The following ARHGEF12 variants were observed in gnomAD, a reference collection of about 807,000 sequenced individuals.
The protein encoded by ARHGEF12 is Rho guanine nucleotide exchange factor 12, also known as KMT2A/ARHGEF12 fusion protein.
In ARHGEF12, 66 loss-of-function variants were observed where a neutral mutation model predicts 211.2. The observed-to-expected ratio is 0.31, with a 90% CI of 0.26 to 0.38. The LOEUF (loss-of-function observed/expected upper bound fraction) is 0.38, where lower values mean the gene tolerates loss of function less well. ARHGEF12 is among the 10% of genes least tolerant of loss of function. The pLI, the probability that ARHGEF12 is intolerant of heterozygous loss-of-function variation, is 1.00. For missense variants in ARHGEF12, 1,429 were observed against 1,869.5 expected (o/e 0.76, Z 4.34); for synonymous variants, 592 against 638.4 (o/e 0.93, Z 1.09).
chr11:120,390,763 G>T (rs889950632), intron 1 of ARHGEF12, among the ~76,000 whole-genome samples: 1 of 152,056 alleles, frequency 6.6e-6, no homozygotes, highest in Non-Finnish European at 1.5e-5. Context: ...GGTAGTCCAG[G>T]GGTTGAAAGC....
intron 1 of ARHGEF12, among the ~76,000 whole-genome samples, chr11:120,351,364 A>AAAAG (rs1942937045): frequency 4.1e-5 from 5 of 122,152 alleles, no homozygotes; most frequent in African/African-American, 5.8e-5. Context: ...AAAAAAAAAA[A>AAAAG]GGTGAAATTT....
intron 28 of ARHGEF12, among the ~76,000 whole-genome samples, chr11:120,466,971 A>G (rs1565504422): frequency 6.6e-6 from 1 of 152,194 alleles, no homozygotes; most frequent in Non-Finnish European, 1.5e-5. Context: ...CCTTCCTTAA[A>G]CAGATAACAA....
chr11:120,475,165 A>G (rs2135975359), intron 32 of ARHGEF12, among the ~76,000 whole-genome samples, 175 bp from the exon 33 acceptor site: 1 of 152,322 alleles, frequency 6.6e-6, no homozygotes, highest in Admixed American at 6.5e-5. Flanking sequence ...CACTTCAGTG[A>G]AATAAAATAA....
At chr11:120,385,900 T>G (rs1944016541) in intron 1 of ARHGEF12, among the ~76,000 whole-genome samples, 1 of 152,194 alleles carries the variant, frequency 6.6e-6, no homozygotes, top group Admixed American at 6.5e-5. Flanking sequence ...ATCTCATGCT[T>G]CAGGATGGTT....
At chr11:120,375,945 C>T (rs1943712803) in intron 1 of ARHGEF12, among the ~76,000 whole-genome samples, 1 of 152,024 alleles carries the variant, frequency 6.6e-6, no homozygotes, top group Admixed American at 6.5e-5. Flanking sequence ...TGATGTTTTT[C>T]TTACGATTTG....
chr11:120,477,939 C>T (rs1171179911), intron 36 of ARHGEF12, among the ~76,000 whole-genome samples: 1 of 151,192 alleles, frequency 6.6e-6, no homozygotes, highest in Non-Finnish European at 1.5e-5. Context: ...TTGGTTTATG[C>T]AGGTTCCAGC....
At chr11:120,384,858 A>G (rs1314056456) in intron 1 of ARHGEF12, among the ~76,000 whole-genome samples, 1 of 151,660 alleles carries the variant, frequency 6.6e-6, no homozygotes, top group Non-Finnish European at 1.5e-5. Context: ...TTGAAGGGGT[A>G]ATACTAGCAA....
chr11:120,431,120 ACT>A (rs547103591), intron 10 of ARHGEF12, among the ~76,000 whole-genome samples: 1 of 151,670 alleles, frequency 6.6e-6, no homozygotes, highest in Non-Finnish European at 1.5e-5. Flanking sequence ...TGAAACTCCG[ACT>A]CTACTAAAAA....
chr11:120,461,472 T>C (rs1278337340), intron 27 of ARHGEF12, among the ~76,000 whole-genome samples: 1 of 152,202 alleles, frequency 6.6e-6, no homozygotes, highest in Non-Finnish European at 1.5e-5. Context: ...GTTTCATTTA[T>C]AGAGCACAGA....
Position 120,457,804 on chromosome 11 carries a change from G to A in ARHGEF12, c.2225+48G>A, listed in dbSNP as rs1184852163. The A allele has an allele frequency of 8.2e-6, 13 of 1,576,964 alleles. No homozygotes were observed. The Admixed American group carries it at 8.9e-5, about 11-fold the overall frequency. On this transcript the variant is annotated intron_variant, in intron 24 of 40. Coordinates refer to ENST00000397843, the MANE Select transcript of ARHGEF12 (RefSeq NM_015313.3). ...TCAATAAAGGCGCATTTTAAGAAAC[G>A]TAACCTTTTTTCCTCTAAAGTTTCA...
intron 27 of ARHGEF12, chr11:120,463,858 G>C (rs1405788822): frequency 6.6e-6 from 1 of 152,092 alleles, no homozygotes; most frequent in Admixed American, 6.5e-5. Flanking sequence ...GCTTTAAATG[G>C]AAGATTATAT....
At chr11:120,369,180 G>A (rs1943519087) in intron 1 of ARHGEF12, among the ~76,000 whole-genome samples, 1 of 143,788 alleles carries the variant, frequency 7.0e-6, no homozygotes, top group African/African-American at 2.6e-5. Flanking sequence ...CCAGTCTGGA[G>A]TGCAGTGGCA....
chr11:120,479,081 A>G (rs1247491713), intron 37 of ARHGEF12, among the ~76,000 whole-genome samples: 1 of 152,206 alleles, frequency 6.6e-6, no homozygotes, highest in Non-Finnish European at 1.5e-5. Flanking sequence ...CAAGATTAAG[A>G]TAATGAATGA....
rs549340629 is a variant in ARHGEF12 at position 120,384,738 on chromosome 11, C to T, written c.33-21380C>T. On this transcript the variant is annotated intron_variant, in intron 1 of 40. Transcript: ENST00000397843. ...GTAGCATGAAGAAATTTCAATCCTCCCAGTCTTGCTTACAGATTTAATTAG... is the reference window on the plus strand; with the variant it reads ...GTAGCATGAAGAAATTTCAATCCTCTCAGTCTTGCTTACAGATTTAATTAG... Among the ~76,000 whole-genome samples, 159 of 152,234 alleles carry T rather than the reference C, an allele frequency of 1.0e-3. 2 individuals carry two copies. The highest frequency in any genetic ancestry group is 3.4e-3 in the African/African-American group (140 of 41,544).
chr11:120,428,616 T>C (rs1261029278), intron 8 of ARHGEF12, among the ~76,000 whole-genome samples: 1 of 152,212 alleles, frequency 6.6e-6, no homozygotes, highest in Non-Finnish European at 1.5e-5. Flanking sequence ...TAGAAGGTGC[T>C]TAACAAAGCT....
chr11:120,448,861 C>T lies in ARHGEF12; in HGVS notation c.1738-248C>T, dbSNP rs1946123318. 12 of 407,704 alleles carry T rather than the reference C, an allele frequency of 2.9e-5. No homozygotes were observed. In the South Asian group the frequency reaches 6.1e-4, roughly 21 times the overall value. The allele number at this position is 407,704 out of a possible 1,614,324, so 25.3% of individuals were successfully genotyped here. ...TTAGAATAAGTTCCTGGTAAATGTGCTATAAAACTACCCTTTGATTTTCCA... is the reference window on the plus strand; with the variant it reads ...TTAGAATAAGTTCCTGGTAAATGTGTTATAAAACTACCCTTTGATTTTCCA... On this transcript the variant is annotated intron_variant, in intron 20 of 40. Coordinates refer to ENST00000397843, the MANE Select transcript of ARHGEF12 (RefSeq NM_015313.3).
chr11:120,471,604 T>C (rs1349630945), intron 30 of ARHGEF12, among the ~76,000 whole-genome samples: 1 of 152,216 alleles, frequency 6.6e-6, no homozygotes, highest in Non-Finnish European at 1.5e-5. Context: ...TTCTACTGTA[T>C]GCAAATTTTA....
chr11:120,406,215 G>A (rs1944699611), intron 2 of ARHGEF12, 74 bp downstream of exon 2: 1 of 1,098,226 alleles, frequency 9.1e-7, no homozygotes, highest in Non-Finnish European at 1.2e-6. Flanking sequence ...TTGAAATTAT[G>A]GTGGATTTTT....
intron 1 of ARHGEF12, among the ~76,000 whole-genome samples, chr11:120,383,643 C>A (rs746698740): frequency 6.6e-6 from 1 of 152,136 alleles, no homozygotes; most frequent in Non-Finnish European, 1.5e-5. Context: ...AATGCTGCCA[C>A]TGATCTGACA....
Sources: gnomAD v4.1 joint callset for allele counts (sites outside exome capture counted in the v4.1 genomes callset) on GRCh38, gnomAD v4.1.1 for gene constraint, MANE v1.5 for transcripts, NCBI Gene and HGNC (gene_info 2026-07-23, HGNC 2026-07-21) for gene names.